Variants in PDZD8 observed in about 807,000 individuals in gnomAD.
PDZD8 encodes PDZ domain-containing protein 8.
In PDZD8, 14 loss-of-function variants were observed where a neutral mutation model predicts 85.8. The observed-to-expected ratio is 0.16, with a 90% CI of 0.11 to 0.26. The LOEUF (loss-of-function observed/expected upper bound fraction) is 0.26, where lower values mean the gene tolerates loss of function less well. Among genes scored for constraint, PDZD8 ranks in the 10% least tolerant of loss-of-function variants. The pLI, the probability that PDZD8 is intolerant of heterozygous loss-of-function variation, is 1.00. For missense variants in PDZD8, 1,197 were observed against 1,424.3 expected (o/e 0.84, Z 2.57); for synonymous variants, 592 against 568.6 (o/e 1.04, Z -0.59).
chr10:117,356,089 A>G (rs896803364), intron 1 of PDZD8, among the ~76,000 whole-genome samples: 1 of 152,166 alleles, frequency 6.6e-6, no homozygotes, highest in Non-Finnish European at 1.5e-5. Flanking sequence ...TTAAGTCATT[A>G]TAATGAATAG....
At chr10:117,292,131 G>C (rs756097447) in intron 3 of PDZD8, among the ~76,000 whole-genome samples, 1 of 152,108 alleles carries the variant, frequency 6.6e-6, no homozygotes, top group Non-Finnish European at 1.5e-5. Context: ...ACCCTCACTG[G>C]AAGTTGCTCT....
rs577249304 is a variant in PDZD8, at chr10:117,290,232, A to G, written c.1215T>C (p.Ala405=). The change falls in exon 4 of 5, where the codon GCT becomes GCC. Residue 405 remains alanine, a synonymous_variant. Coordinates refer to ENST00000334464, the MANE Select transcript of PDZD8 (RefSeq NM_173791.5). ...IIETVAPNSP[A]AIADLQRGDR... ...CTCCCCGCTGAAGATCTGCAATTGCAGCAGGCGAGTTTGGAGCCACAGTTT... is the reference window on the plus strand; with the variant it reads ...CTCCCCGCTGAAGATCTGCAATTGCGGCAGGCGAGTTTGGAGCCACAGTTT... 5.0e-6 allele frequency: 8 copies of G among 1,614,112 alleles called. No individual in the cohort carries two copies. The African/African-American group carries it at 1.1e-4, about 22-fold the overall frequency.
At chr10:117,339,909 C>T (rs967175005) in intron 2 of PDZD8, among the ~76,000 whole-genome samples, 4 of 152,098 alleles carry the variant, frequency 2.6e-5, no homozygotes, top group Non-Finnish European at 5.9e-5. Context: ...GGATTTGGGT[C>T]CACATCCTAA....
chr10:117,337,521 T>C (rs1844537418), intron 2 of PDZD8, among the ~76,000 whole-genome samples: 1 of 152,234 alleles, frequency 6.6e-6, no homozygotes, highest in Non-Finnish European at 1.5e-5. Flanking sequence ...AAGCTATTGC[T>C]TGGGAAATGC....
In PDZD8 at chr10:117,374,420, T is replaced by C. The variant is rs143541317; in HGVS notation, c.808A>G (p.Ile270Val). The C allele has an allele frequency of 8.7e-6, 14 of 1,614,208 alleles. No homozygotes were observed. Among genetic ancestry groups the C allele is most frequent in the Non-Finnish European group, 1.1e-5 (13 of 1,180,034 alleles). ...ATCTTCTTGAGCTGGTTGACGATGA[T>C]GGAGGTGAGCTGGGGCATGGGCCGC... ...EGRPMPQLTS[I>V]IVNQLKKIIK... The change falls in exon 1 of 5, where the codon ATC (isoleucine) becomes GTC (valine). Residue 270 changes from isoleucine (I) to valine (V), a missense_variant. By Grantham distance (29) the Ile-to-Val change is conservative. Coordinates refer to ENST00000334464, the MANE Select transcript of PDZD8 (RefSeq NM_173791.5). This position sits in a 1 kb window ranked among gnomAD's most constrained non-coding sequence, Gnocchi z 7.8.
At chr10:117,368,853 T>TGTTG (rs1564715639) in intron 1 of PDZD8, among the ~76,000 whole-genome samples, 1 of 62,880 alleles carries the variant, frequency 1.6e-5, no homozygotes, top group Non-Finnish European at 2.8e-5. Context: ...TTGACAATGT[T>TGTTG]TTTTTTTTTT....
At position 117,283,225 on chromosome 10, in the gene PDZD8, C is replaced by A; in HGVS notation, c.*43G>T. ...GGTTGTATCTGTGGTACTTTAGATG[C>A]AACTTTACCCTGTTCATTTGAAAGC... On this transcript the variant is annotated 3_prime_UTR_variant, in exon 5 of 5. Transcript: ENST00000334464. The A allele has an allele frequency of 6.5e-7, 1 of 1,531,304 alleles. No homozygotes were observed. Among genetic ancestry groups the A allele is most frequent in the Non-Finnish European group, 8.8e-7 (1 of 1,138,214 alleles). The allele number at this position is 1,531,304 out of a possible 1,614,324, so 94.9% of individuals were successfully genotyped here. A position where few individuals can be genotyped will look rare whatever the true frequency, so the allele number is the denominator to read the frequency against.
At chr10:117,346,988 G>A (rs1397722960) in intron 1 of PDZD8, among the ~76,000 whole-genome samples, 2 of 151,834 alleles carry the variant, frequency 1.3e-5, no homozygotes, top group African/African-American at 2.4e-5. Flanking sequence ...ACCCTCTTTT[G>A]AGCTACCCAC....
At chr10:117,302,182 C>T (rs893479580) in intron 3 of PDZD8, among the ~76,000 whole-genome samples, 3 of 152,186 alleles carry the variant, frequency 2.0e-5, no homozygotes, top group African/African-American at 7.2e-5. Flanking sequence ...AACTGAAATA[C>T]TTCATGGGAC....
chr10:117,320,502 AAACT>A (rs1182923042), intron 2 of PDZD8, among the ~76,000 whole-genome samples: 1 of 152,102 alleles, frequency 6.6e-6, no homozygotes, highest in Admixed American at 6.6e-5. Flanking sequence ...AATTTAACAT[AAACT>A]AACTCAAAAA....
chr10:117,364,357 A>C (rs1277846976), intron 1 of PDZD8, among the ~76,000 whole-genome samples: 1 of 152,116 alleles, frequency 6.6e-6, no homozygotes. Flanking sequence ...ATGTTCCATA[A>C]ATTATGTTTA....
At chr10:117,296,267 A>G (rs1054549949) in intron 3 of PDZD8, among the ~76,000 whole-genome samples, 1 of 152,064 alleles carries the variant, frequency 6.6e-6, no homozygotes, top group Admixed American at 6.6e-5. Flanking sequence ...ATAGTATTAA[A>G]AATATTTAAG....
intron 1 of PDZD8, among the ~76,000 whole-genome samples, chr10:117,343,431 G>C (rs1844650932): frequency 6.6e-6 from 1 of 152,050 alleles, no homozygotes; most frequent in African/African-American, 2.4e-5. Context: ...CAAATTTTTA[G>C]AGGGAAAAAA....
At chr10:117,330,714 T>C (rs1844407202) in intron 2 of PDZD8, among the ~76,000 whole-genome samples, 1 of 152,188 alleles carries the variant, frequency 6.6e-6, no homozygotes, top group Admixed American at 6.5e-5. Flanking sequence ...GGGACTTCAA[T>C]CTCTATATAT....
intron 1 of PDZD8, among the ~76,000 whole-genome samples, chr10:117,351,446 C>T (rs1286922793): frequency 6.6e-6 from 1 of 151,942 alleles, no homozygotes; most frequent in Non-Finnish European, 1.5e-5. Context: ...AAAACAAACA[C>T]AAAAAAATCT....
chr10:117,316,173 C>T (rs1371146403), intron 3 of PDZD8, among the ~76,000 whole-genome samples: 3 of 152,060 alleles, frequency 2.0e-5, no homozygotes, highest in Non-Finnish European at 2.9e-5. Flanking sequence ...AAAGAACAAA[C>T]ACAACCACAA....
At chr10:117,289,156 G>A (rs1844715858) in intron 4 of PDZD8, among the ~76,000 whole-genome samples, 1 of 152,150 alleles carries the variant, frequency 6.6e-6, no homozygotes, top group South Asian at 2.1e-4. Flanking sequence ...TCAGGTCTGG[G>A]TGACTGGCAT....
chr10:117,366,415 T>C (rs879485583), intron 1 of PDZD8, among the ~76,000 whole-genome samples: 3 of 152,162 alleles, frequency 2.0e-5, no homozygotes, highest in Non-Finnish European at 4.4e-5. Context: ...TACACATATA[T>C]AGCTTCTTTT....
chr10:117,368,163 A>C (rs1440183961), intron 1 of PDZD8, among the ~76,000 whole-genome samples: 1 of 152,232 alleles, frequency 6.6e-6, no homozygotes, highest in African/African-American at 2.4e-5. Context: ...AACACTAGGT[A>C]GTATGCACTA....
Sources: allele counts gnomAD v4.1 joint callset (sites outside exome capture counted in the v4.1 genomes callset), GRCh38; gene constraint gnomAD v4.1.1; non-coding constraint Gnocchi (gnomAD v3.1); transcripts MANE v1.5; gene names NCBI Gene and HGNC (gene_info 2026-07-23, HGNC 2026-07-21).